Variants in THSD7B observed in about 807,000 individuals in gnomAD.
THSD7B encodes thrombospondin type-1 domain-containing protein 7B.
In THSD7B, 138 loss-of-function variants were observed where a neutral mutation model predicts 213.6. That is an observed-to-expected ratio of 0.65 (90% confidence interval 0.56 to 0.74). THSD7B has a LOEUF of 0.74. Ranked by LOEUF, THSD7B falls within the 30% of genes least tolerant of loss-of-function variation. THSD7B has a pLI of 0.00. For synonymous variants in THSD7B, 742 were observed against 687.0 expected, an observed-to-expected ratio of 1.08 and a Z score of -1.25; for missense variants, 1,931 against 1,991.5, an observed-to-expected ratio of 0.97 and a Z score of 0.58.
At chr2:137,314,003 A>T (rs1684006319) in intron 12 of THSD7B, among the ~76,000 whole-genome samples, 5 of 152,066 alleles carry the variant, frequency 3.3e-5, no homozygotes, top group African/African-American at 1.2e-4. Context: ...GCTCTTCTCG[A>T]GGAGTATCTT....
At chr2:137,451,562 CA>C (rs5834552) in intron 15 of THSD7B, among the ~76,000 whole-genome samples, 4,237 of 152,076 alleles carry the variant, frequency 0.028, 199 homozygotes, top group African/African-American at 0.096. Context: ...CCTGCTTTCT[CA>C]AAAATCATAG....
At chr2:136,769,836 A>G (rs922395114) in intron 1 of THSD7B, among the ~76,000 whole-genome samples, 4 of 152,212 alleles carry the variant, frequency 2.6e-5, no homozygotes, top group African/African-American at 9.7e-5. Flanking sequence ...TGTTTCCTGC[A>G]TGAATAAAAA....
intron 5 of THSD7B, among the ~76,000 whole-genome samples, chr2:137,118,216 C>A (rs1455421405): frequency 6.6e-6 from 1 of 152,162 alleles, no homozygotes; most frequent in Non-Finnish European, 1.5e-5. Flanking sequence ...TGATGCTTAC[C>A]TGCAAAATAA....
Position 137,370,493 on chromosome 2 carries a change from G to C in THSD7B, c.2501-35120G>C, listed in dbSNP as rs143448202. Reference sequence around the variant, plus strand: ...TAAGGGTTTTGTTTTGTTTTAGACAGAGTCTCACTCTGTTGCCCAGTCTGG... The same window carrying C: ...TAAGGGTTTTGTTTTGTTTTAGACACAGTCTCACTCTGTTGCCCAGTCTGG... On this transcript the variant is annotated intron_variant, in intron 12 of 27. Transcript: ENST00000409968. Among the ~76,000 whole-genome samples, 820 of 152,186 alleles carry C rather than the reference G, an allele frequency of 5.4e-3. 7 individuals are homozygous for C. Among genetic ancestry groups the C allele is most frequent in the African/African-American group, 0.019 (783 of 41,522 alleles).
intron 7 of THSD7B, among the ~76,000 whole-genome samples, chr2:137,223,631 A>G (rs1681426560): frequency 1.3e-5 from 2 of 152,172 alleles, no homozygotes; most frequent in Admixed American, 1.3e-4. Context: ...TTTTAGTTAT[A>G]GTAATTTTCA....
At chr2:137,082,347 A>C (rs1687762127) in intron 3 of THSD7B, among the ~76,000 whole-genome samples, 1 of 152,080 alleles carries the variant, frequency 6.6e-6, no homozygotes, top group East Asian at 1.9e-4. Context: ...TGGAGAATGC[A>C]AAGGTAATGT....
intron 5 of THSD7B, among the ~76,000 whole-genome samples, chr2:137,148,365 A>T (rs1057055409): frequency 1.3e-5 from 2 of 152,086 alleles, no homozygotes; most frequent in Non-Finnish European, 1.5e-5. Context: ...ATGAGAATGG[A>T]CTAATACAAA....
rs183093872 is a variant in THSD7B, at chr2:137,469,043, G to A, written c.3138+18020G>A. On this transcript the variant is annotated intron_variant, in intron 15 of 27. Coordinates refer to ENST00000409968, the MANE Select transcript of THSD7B (RefSeq NM_001316349.2). ...TATATGAAACTGAAACAAATGGCAA[G>A]TTCAATAAAGTCCAGGGAAAATAAT... 7.6e-4 allele frequency among the ~76,000 whole-genome samples: 115 copies of A among 152,300 alleles called. 2 individuals carry two copies. The highest frequency in any genetic ancestry group is 2.5e-3 in the African/African-American group (103 of 41,578).
chr2:137,111,660 G>A (rs182880056), intron 4 of THSD7B, among the ~76,000 whole-genome samples: 105 of 152,262 alleles, frequency 6.9e-4, no homozygotes, highest in South Asian at 2.7e-3. Flanking sequence ...ACTGTTATTT[G>A]TACTACTTGG....
intron 4 of THSD7B, among the ~76,000 whole-genome samples, chr2:137,108,162 C>T (rs1688289830): frequency 6.6e-6 from 1 of 152,172 alleles, no homozygotes; most frequent in African/African-American, 2.4e-5. Context: ...ATTATTCTTT[C>T]AATCTGTCAT....
chr2:136,923,455 T>C (rs1298626328), intron 2 of THSD7B, among the ~76,000 whole-genome samples: 1 of 152,208 alleles, frequency 6.6e-6, no homozygotes, highest in Non-Finnish European at 1.5e-5. Context: ...TCAATTCTTG[T>C]GGATATATTT....
chr2:137,157,764 TAAC>T (rs1348003012), intron 5 of THSD7B, among the ~76,000 whole-genome samples: 1 of 152,180 alleles, frequency 6.6e-6, no homozygotes, highest in African/African-American at 2.4e-5. Context: ...GAGAGAATAA[TAAC>T]AACATATATC....
At chr2:137,410,102 T>A (rs1686618545) in intron 13 of THSD7B, among the ~76,000 whole-genome samples, 1 of 152,126 alleles carries the variant, frequency 6.6e-6, no homozygotes. Flanking sequence ...AAGGAGCCCC[T>A]CACTAATTAT....
intron 15 of THSD7B, among the ~76,000 whole-genome samples, chr2:137,546,875 G>A (rs1412472310): frequency 1.3e-5 from 2 of 151,648 alleles, no homozygotes; most frequent in African/African-American, 2.4e-5. Flanking sequence ...CTTTCCTTTG[G>A]CCAAACAAAT....
At chr2:136,800,396 T>G (rs1396972402) in intron 1 of THSD7B, among the ~76,000 whole-genome samples, 1 of 152,008 alleles carries the variant, frequency 6.6e-6, no homozygotes, top group Non-Finnish European at 1.5e-5. Flanking sequence ...CAAGGCTTAT[T>G]TCACCTCTCT....
Position 137,595,971 on chromosome 2 carries a change from A to T in THSD7B, c.3424-20204A>T, listed in dbSNP as rs889397265. On this transcript the variant is annotated intron_variant, in intron 17 of 27. Coordinates refer to ENST00000409968, the MANE Select transcript of THSD7B (RefSeq NM_001316349.2). ...TAGTTCTAATCTTTAAAAGACTCAGAATCTTAGTGAAGAAAAAACCCCAAA... is the reference window on the plus strand; with the variant it reads ...TAGTTCTAATCTTTAAAAGACTCAGTATCTTAGTGAAGAAAAAACCCCAAA... Among the ~76,000 whole-genome samples the T allele has an allele frequency of 4.6e-5, 7 of 152,066 alleles. No individual in the cohort carries two copies. The East Asian group carries it at 5.8e-4, about 13-fold the overall frequency.
intron 12 of THSD7B, among the ~76,000 whole-genome samples, chr2:137,389,236 T>TAG (rs1685962453): frequency 7.2e-6 from 1 of 139,748 alleles, no homozygotes; most frequent in African/African-American, 2.8e-5. Flanking sequence ...AATATATATA[T>TAG]ATAGAGAGAG....
intron 2 of THSD7B, among the ~76,000 whole-genome samples, chr2:136,963,888 TGA>T (rs2105088359): frequency 6.6e-6 from 1 of 152,304 alleles, no homozygotes; most frequent in African/African-American, 2.4e-5. Flanking sequence ...GCTAAAATGG[TGA>T]GATTAGGCCA....
At chr2:136,869,864 G>A (rs183974428) in intron 1 of THSD7B, among the ~76,000 whole-genome samples, 10 of 152,310 alleles carry the variant, frequency 6.6e-5, no homozygotes, top group Admixed American at 1.3e-4. Context: ...ATGAGGTCAG[G>A]AGTTTGAGCC....
Sources: allele counts gnomAD v4.1 joint callset (sites outside exome capture counted in the v4.1 genomes callset), GRCh38; gene constraint gnomAD v4.1.1; transcripts MANE v1.5; gene names NCBI Gene and HGNC (gene_info 2026-07-23, HGNC 2026-07-21).